EVI5: variants seen among roughly 807,000 people sequenced by gnomAD.
EVI5 encodes ecotropic viral integration site 5 protein homolog.
Under a neutral mutation model 112.0 loss-of-function variants are expected in EVI5, and 73 were observed. The observed-to-expected ratio is 0.65, with a 90% CI of 0.54 to 0.79. EVI5 has a LOEUF of 0.79. Among genes scored for constraint, EVI5 ranks in the 30% least tolerant of loss-of-function variants. The probability of loss-of-function intolerance (pLI) is 0.00; values close to 1 mark genes in which losing one functional copy is unlikely to be tolerated. For synonymous variants in EVI5, 305 were observed against 319.9 expected (o/e 0.95, Z 0.50); for missense variants, 900 against 968.8 (o/e 0.93, Z 0.94).
intron 2 of EVI5, among the ~76,000 whole-genome samples, chr1:92,707,036 G>A (rs544681757): frequency 5.9e-5 from 9 of 151,948 alleles, no homozygotes; most frequent in South Asian, 4.2e-4. Context: ...AAAATTAGCC[G>A]GGCATGGTGG....
At chr1:92,547,256 C>A (rs1333874103) in intron 19 of EVI5, among the ~76,000 whole-genome samples, 1 of 152,028 alleles carries the variant, frequency 6.6e-6, no homozygotes, top group Non-Finnish European at 1.5e-5. Context: ...CTACTGGGTA[C>A]GTAACGAAAT....
intron 18 of EVI5, among the ~76,000 whole-genome samples, chr1:92,579,398 G>A (rs12756786): frequency 0.2 from 29,911 of 151,988 alleles, 3,483 homozygotes; most frequent in Middle Eastern, 0.26. Context: ...AATTACTTAC[G>A]AATCCCTTCT....
chr1:92,715,069 G>T (rs762678007), intron 2 of EVI5, among the ~76,000 whole-genome samples: 1 of 151,658 alleles, frequency 6.6e-6, no homozygotes, highest in Non-Finnish European at 1.5e-5. Context: ...GCAGTGGCAC[G>T]ATCTCGGCTC....
intron 7 of EVI5, 90 bp downstream of exon 7, chr1:92,695,219 CT>C: frequency 9.4e-7 from 1 of 1,063,600 alleles, no homozygotes; most frequent in Non-Finnish European, 1.4e-6. Context: ...GGACACATGG[CT>C]TTCCTTCATT....
intron 18 of EVI5, among the ~76,000 whole-genome samples, chr1:92,588,711 C>A (rs928354592): frequency 6.6e-6 from 1 of 152,170 alleles, no homozygotes; most frequent in Non-Finnish European, 1.5e-5. Flanking sequence ...AGAATAGTGA[C>A]AGGCACATAG....
At position 92,719,071 on chromosome 1, in the gene EVI5, A is replaced by G. The variant is rs941091369; in HGVS notation, c.150-14327T>C. ...ATAATTAATACCCTACCAACGAAAA[A>G]AAGTTCAGGACCAGATGGATTCACA... On this transcript the variant is annotated intron_variant, in intron 2 of 19. Coordinates refer to ENST00000684568, the MANE Select transcript of EVI5 (RefSeq NM_001350197.2). 5.9e-5 allele frequency among the ~76,000 whole-genome samples: 9 copies of G among 152,294 alleles called. 1 individual carries two copies. The highest frequency in any genetic ancestry group is 3.9e-4 in the Admixed American group (6 of 15,300).
intron 1 of EVI5, among the ~76,000 whole-genome samples, 154 bp downstream of exon 1, chr1:92,784,682 C>T (rs563759008): frequency 6.6e-6 from 1 of 152,018 alleles, no homozygotes; most frequent in South Asian, 2.1e-4. Context: ...GGAACTTAGG[C>T]CCTGGCGGGG....
chr1:92,563,661 A>G lies in EVI5; in HGVS notation c.2147T>C (p.Ile716Thr). The G allele has an allele frequency of 6.3e-7, 1 of 1,594,154 alleles. No homozygotes were observed. Among genetic ancestry groups the G allele is most frequent in the Middle Eastern group, 1.7e-4 (1 of 6,000 alleles). ...NQYIGELKDQ[I>T]AELNHELRCL... The stretch of plus-strand genomic sequence containing the variant: ...ACTTACCTCATGATTCAGCTCTGCT[A>G]TCTGATCTTTCAGTTCCCCAATATA... The change falls in exon 19 of 20, where the codon ATA becomes ACA. Residue 716 changes from isoleucine (I) to threonine (T), a missense_variant. Transcript: ENST00000684568.
intron 13 of EVI5, among the ~76,000 whole-genome samples, chr1:92,660,575 T>C (rs889652478): frequency 6.6e-6 from 1 of 151,922 alleles, no homozygotes; most frequent in Non-Finnish European, 1.5e-5. Context: ...GAAGAGGGGA[T>C]TTTGAATGTT....
In EVI5 at chr1:92,510,456, CTGATTA is replaced by C. The variant is rs1024574782; in HGVS notation, c.*3194_*3199del. ...GGCATGTTTTCCCTTTTGAATAGTT[CTGATTA>C]TAATATCCACCATGAAATTTTACGT... On this transcript the variant is annotated 3_prime_UTR_variant, in exon 20 of 20. Coordinates refer to ENST00000684568, the MANE Select transcript of EVI5 (RefSeq NM_001350197.2). The C allele has an allele frequency of 3.3e-5, 5 of 152,146 alleles. No individual in the cohort carries two copies. The highest frequency in any genetic ancestry group is 3.3e-4 in the Admixed American group (5 of 15,274). 9.4% of individuals were successfully genotyped at this position (152,146 alleles called of 1,614,324 possible). A position where few individuals can be genotyped will look rare whatever the true frequency, so the allele number is the denominator to read the frequency against.
At chr1:92,646,537 C>T (rs1460156854) in intron 13 of EVI5, among the ~76,000 whole-genome samples, 1 of 152,228 alleles carries the variant, frequency 6.6e-6, no homozygotes, top group Non-Finnish European at 1.5e-5. Context: ...AGTGCACGCT[C>T]TAAGCTACGA....
intron 18 of EVI5, among the ~76,000 whole-genome samples, chr1:92,593,057 C>T (rs1028891232): frequency 6.6e-6 from 1 of 152,212 alleles, no homozygotes; most frequent in African/African-American, 2.4e-5. Flanking sequence ...GGAATCCTCC[C>T]TAACTCATTT....
rs545587916 is a variant in EVI5, at chr1:92,542,567, G to A, written c.2166+21075C>T. 2.0e-5 allele frequency among the ~76,000 whole-genome samples: 3 copies of A among 152,252 alleles called. No individual in the cohort carries two copies. The East Asian group carries it at 5.8e-4, about 29-fold the overall frequency. On this transcript the variant is annotated intron_variant, in intron 19 of 19. Coordinates refer to ENST00000684568, the MANE Select transcript of EVI5 (RefSeq NM_001350197.2). ...TTTGCGGAGGATTTCAATTTACTTT[G>A]CCCAAATCCATTAGAGGAATCACTA... is the stretch of plus-strand genomic sequence containing the variant.
intron 1 of EVI5, among the ~76,000 whole-genome samples, chr1:92,767,317 A>G (rs1182633): frequency 0.06 from 9,170 of 152,260 alleles, 394 homozygotes; most frequent in Non-Finnish European, 0.09. Context: ...AGTAATAATT[A>G]TTAATTGTTG....
chr1:92,541,203 A>C (rs1041986612), intron 19 of EVI5, among the ~76,000 whole-genome samples: 7 of 152,248 alleles, frequency 4.6e-5, no homozygotes, highest in African/African-American at 1.2e-4. Context: ...AGTTTAAAAA[A>C]TATAGTGAAG....
At chr1:92,686,260 C>T (rs1668516868) in intron 9 of EVI5, among the ~76,000 whole-genome samples, 1 of 152,188 alleles carries the variant, frequency 6.6e-6, no homozygotes, top group Non-Finnish European at 1.5e-5. Context: ...AATCAATAAA[C>T]ATAATCCACC....
chr1:92,576,767 T>C (rs1557824157), intron 18 of EVI5, among the ~76,000 whole-genome samples: 1 of 152,230 alleles, frequency 6.6e-6, no homozygotes, highest in South Asian at 2.1e-4. Context: ...AAGAGTGATA[T>C]GTATTCTCCC....
intron 13 of EVI5, among the ~76,000 whole-genome samples, chr1:92,642,057 A>G (rs2101965827): frequency 6.6e-6 from 1 of 152,170 alleles, no homozygotes; most frequent in East Asian, 1.9e-4. Flanking sequence ...CTTGAACCCA[A>G]GAGGTGGAGG....
Position 92,677,158 on chromosome 1 carries a change from T to C in EVI5, c.1158A>G (p.Lys386=), listed in dbSNP as rs1460812371. The C allele has an allele frequency of 6.3e-7, 1 of 1,581,654 alleles. No individual in the cohort carries two copies. Among genetic ancestry groups the C allele is most frequent in the Non-Finnish European group, 8.7e-7 (1 of 1,155,696 alleles). The change falls in exon 10 of 20, where the codon AAA becomes AAG. Residue 386 remains lysine, a splice_region_variant and synonymous_variant. Coordinates refer to ENST00000684568, the MANE Select transcript of EVI5 (RefSeq NM_001350197.2). Reference sequence around the variant, plus strand: ...CTTTAAAAAGCCCCCAACTGCTTACTTTAATTTCAACTTGCTCTTCCATTT... The same window carrying C: ...CTTTAAAAAGCCCCCAACTGCTTACCTTAATTTCAACTTGCTCTTCCATTT... The part of the protein sequence containing the change: ...TKEMEEQVEI[K]RLRTENRLLK...
Sources: gnomAD v4.1 joint callset for allele counts (sites outside exome capture counted in the v4.1 genomes callset) on GRCh38, gnomAD v4.1.1 for gene constraint, MANE v1.5 for transcripts, NCBI Gene and HGNC (gene_info 2026-07-23, HGNC 2026-07-21) for gene names.